Variants in NALF1 observed in about 807,000 individuals in gnomAD.
NALF1 encodes NALCN channel auxiliary factor 1.
NALF1 carries 3 observed loss-of-function variants against 48.4 expected under a neutral mutation model. The observed-to-expected ratio is 0.06, with a 90% CI of 0.03 to 0.16. The LOEUF is 0.16. Ranked by LOEUF, NALF1 falls within the 10% of genes least tolerant of loss-of-function variation. NALF1 has a pLI of 1.00. For synonymous variants in NALF1, 262 were observed against 245.7 expected (o/e 1.07, Z -0.62); for missense variants, 526 against 571.5 (o/e 0.92, Z 0.81).
Position 107,421,673 on chromosome 13 carries a change from C to T in NALF1, c.916-210918G>A, listed in dbSNP as rs148277825. On this transcript the variant is annotated intron_variant, in intron 1 of 2. Transcript: ENST00000375915. ...GATTTTATAATGATGCCTCCTTACCCTGACGGCTATCACAAATGCAGCAAA... is the reference window on the plus strand; with the variant it reads ...GATTTTATAATGATGCCTCCTTACCTTGACGGCTATCACAAATGCAGCAAA... Among the ~76,000 whole-genome samples the T allele has an allele frequency of 2.3e-4, 35 of 152,244 alleles. No homozygotes were observed. In the East Asian group the frequency reaches 4.5e-3, roughly 19 times the overall value.
chr13:107,367,673 C>T (rs2138961173), intron 1 of NALF1, among the ~76,000 whole-genome samples: 1 of 152,292 alleles, frequency 6.6e-6, no homozygotes, highest in South Asian at 2.1e-4. Flanking sequence ...GCTACACGGG[C>T]AGAAGCGTAC....
chr13:107,580,671 C>G (rs1878279860), intron 1 of NALF1, among the ~76,000 whole-genome samples: 1 of 152,218 alleles, frequency 6.6e-6, no homozygotes, highest in African/African-American at 2.4e-5. Flanking sequence ...ATTTCTTGGG[C>G]CTGGCACAGC....
intron 1 of NALF1, among the ~76,000 whole-genome samples, chr13:107,246,011 C>T (rs2138839599): frequency 6.6e-6 from 1 of 152,262 alleles, no homozygotes; most frequent in Middle Eastern, 3.4e-3. Context: ...CTTGTCATCT[C>T]TGCTGGCTTC....
chr13:107,214,116 G>C (rs1305073267), intron 1 of NALF1, among the ~76,000 whole-genome samples: 1 of 152,188 alleles, frequency 6.6e-6, no homozygotes, highest in Non-Finnish European at 1.5e-5. Context: ...AATACCTCTT[G>C]TCAAAACACG....
intron 1 of NALF1, among the ~76,000 whole-genome samples, chr13:107,263,820 A>G (rs1000207024): frequency 1.3e-5 from 2 of 152,144 alleles, no homozygotes; most frequent in African/African-American, 4.8e-5. Flanking sequence ...AACCCATCCA[A>G]TTATATCTCT....
At chr13:107,703,513 C>A (rs576432622) in intron 1 of NALF1, among the ~76,000 whole-genome samples, 2 of 152,088 alleles carry the variant, frequency 1.3e-5, no homozygotes, top group African/African-American at 4.8e-5. Flanking sequence ...ATCACCATAC[C>A]TGGCTAATTT....
At chr13:107,346,068 C>T (rs1882766167) in intron 1 of NALF1, among the ~76,000 whole-genome samples, 1 of 152,140 alleles carries the variant, frequency 6.6e-6, no homozygotes, top group Admixed American at 6.5e-5. Context: ...GCTATCACCC[C>T]ATACCCACTA....
intron 1 of NALF1, among the ~76,000 whole-genome samples, chr13:107,728,824 C>G (rs1445304422): frequency 6.6e-6 from 1 of 152,164 alleles, no homozygotes; most frequent in Non-Finnish European, 1.5e-5. Context: ...TCGTCAGAGG[C>G]TGGCATAGCT....
intron 1 of NALF1, among the ~76,000 whole-genome samples, chr13:107,522,880 A>C (rs1249968661): frequency 6.6e-6 from 1 of 151,938 alleles, no homozygotes; most frequent in Non-Finnish European, 1.5e-5. Context: ...GGCCTCCCCA[A>C]GTTCTGGGAT....
intron 1 of NALF1, among the ~76,000 whole-genome samples, chr13:107,364,976 CCCCCTT>C (rs1052870070): frequency 1.3e-5 from 1 of 79,024 alleles, no homozygotes; most frequent in African/African-American, 5.0e-5. Flanking sequence ...CTCTCCCCCT[CCCCCTT>C]CCCCATCCCC....
rs747667435 is a variant in NALF1, at chr13:107,866,313, T to C, written c.284A>G (p.Gln95Arg). ...CCAGGAGGGCTCCTGCTGCCGCCGC[T>C]GCTGCTGCTGCTGCTGCCGCTGCCT... ...QQRQRQQQQQ[Q>R]RRQQEPSWPA... Residue 95 changes from glutamine (Q) to arginine (R), a missense_variant, in exon 1 of 3, where the codon CAG becomes CGG. Coordinates refer to ENST00000375915, the MANE Select transcript of NALF1 (RefSeq NM_001080396.3). The surrounding 1 kb of genome is among the most constrained non-coding windows in gnomAD (Gnocchi z 4.4). 23 of 1,572,222 alleles carry C rather than the reference T, an allele frequency of 1.5e-5. No individual in the cohort carries two copies. Among genetic ancestry groups the C allele is most frequent in the East Asian group, 4.6e-5 (2 of 43,738 alleles).
intron 1 of NALF1, among the ~76,000 whole-genome samples, chr13:107,660,622 A>G (rs1260421277): frequency 1.3e-5 from 2 of 152,170 alleles, no homozygotes. Context: ...ATCTACAGTT[A>G]AAAAGCATGA....
At chr13:107,627,858 T>G (rs1879721130) in intron 1 of NALF1, among the ~76,000 whole-genome samples, 1 of 152,086 alleles carries the variant, frequency 6.6e-6, no homozygotes, top group Admixed American at 6.6e-5. Flanking sequence ...TCTGAGTCCC[T>G]CTGAAACCAA....
intron 1 of NALF1, among the ~76,000 whole-genome samples, chr13:107,400,789 T>C (rs1272923684): frequency 1.3e-5 from 2 of 152,176 alleles, no homozygotes; most frequent in African/African-American, 4.8e-5. Context: ...AAAACTTCAC[T>C]TGTGAATCTT....
At chr13:107,204,583 A>G (rs545487947) in intron 2 of NALF1, among the ~76,000 whole-genome samples, 1 of 152,388 alleles carries the variant, frequency 6.6e-6, no homozygotes, top group African/African-American at 2.4e-5. Context: ...AATCTTAAGT[A>G]GGAATGATCT....
chr13:107,177,792 G>T (rs1348532723), intron 2 of NALF1, among the ~76,000 whole-genome samples: 1 of 152,220 alleles, frequency 6.6e-6, no homozygotes, highest in Non-Finnish European at 1.5e-5. Flanking sequence ...GATCACACTT[G>T]TAACCCTAGC....
intron 1 of NALF1, among the ~76,000 whole-genome samples, chr13:107,223,199 A>G (rs2138817302): frequency 6.6e-6 from 1 of 152,328 alleles, no homozygotes; most frequent in East Asian, 1.9e-4. Flanking sequence ...AAATGCTCAT[A>G]CTAAATTTAT....
chr13:107,660,327 C>T (rs375074320), intron 1 of NALF1, among the ~76,000 whole-genome samples: 2 of 150,978 alleles, frequency 1.3e-5, no homozygotes, highest in African/African-American at 4.9e-5. Flanking sequence ...CCCAGCCACT[C>T]GGGAGGCTGA....
chr13:107,714,321 A>G (rs1337582914), intron 1 of NALF1, among the ~76,000 whole-genome samples: 4 of 152,080 alleles, frequency 2.6e-5, no homozygotes, highest in Non-Finnish European at 5.9e-5. Context: ...CTGGCTTCAC[A>G]CCATGAGACT....
Sources: gnomAD v4.1 joint callset for allele counts (sites outside exome capture counted in the v4.1 genomes callset) on GRCh38, gnomAD v4.1.1 for gene constraint, Gnocchi (gnomAD v3.1) non-coding constraint, MANE v1.5 for transcripts, NCBI Gene and HGNC (gene_info 2026-07-23, HGNC 2026-07-21) for gene names.